Variants in ETV6 observed in about 807,000 individuals in gnomAD.
ETV6 encodes ETS variant transcription factor 6.
ETV6 carries 16 observed loss-of-function variants against 51.1 expected under a neutral mutation model. The ratio of observed to expected loss-of-function variants is 0.31; its 90% CI spans 0.21 to 0.48. The LOEUF (loss-of-function observed/expected upper bound fraction) is 0.48. Among genes scored for constraint, ETV6 ranks in the 20% least tolerant of loss-of-function variants. The pLI, the probability that ETV6 is intolerant of heterozygous loss-of-function variation, is 0.99. For missense variants in ETV6, 458 were observed against 594.8 expected (o/e 0.77, Z 2.39); for synonymous variants, 240 against 224.1 (o/e 1.07, Z -0.64).
intron 1 of ETV6, among the ~76,000 whole-genome samples, chr12:11,706,753 T>C (rs1865079959): frequency 6.6e-6 from 1 of 152,250 alleles, no homozygotes; most frequent in Admixed American, 6.5e-5. Context: ...TCTAGGACGA[T>C]TGCATTCCTA....
intron 2 of ETV6, among the ~76,000 whole-genome samples, chr12:11,768,284 A>G (rs974152999): frequency 6.6e-6 from 1 of 152,210 alleles, no homozygotes; most frequent in Non-Finnish European, 1.5e-5. Flanking sequence ...GAAAACTTAG[A>G]TACCATGTGG....
In ETV6 at chr12:11,891,340, G is replaced by A. The variant is rs114995773; in HGVS notation, c.*294G>A. ...AATTCCTCACCCTCACCCTTCCACC[G>A]TTGTTAGTATCATGGTGTTTTTGTT... is the stretch of plus-strand genomic sequence containing the variant. On this transcript the variant is annotated 3_prime_UTR_variant, in exon 8 of 8. Coordinates refer to ENST00000396373, the MANE Select transcript of ETV6 (RefSeq NM_001987.5). 648 of 379,728 alleles carry A rather than the reference G, an allele frequency of 1.7e-3. 2 individuals carry two copies. The highest frequency in any genetic ancestry group is 0.012 in the African/African-American group (571 of 48,600). The allele number at this position is 379,728 out of a possible 1,614,324, so 23.5% of individuals were successfully genotyped here.
intron 3 of ETV6, chr12:11,840,721 A>G (rs1046387723): frequency 6.1e-6 from 2 of 325,300 alleles, no homozygotes; most frequent in African/African-American, 4.3e-5. Flanking sequence ...TGTTATTGAA[A>G]CTTGAAAGTT....
chr12:11,697,681 G>A (rs984676979), intron 1 of ETV6, among the ~76,000 whole-genome samples: 3 of 152,214 alleles, frequency 2.0e-5, no homozygotes, highest in Admixed American at 6.5e-5. Context: ...AAGAGCAATG[G>A]AAAAGTGTCT....
intron 2 of ETV6, among the ~76,000 whole-genome samples, chr12:11,781,751 T>C (rs1565523815): frequency 6.6e-6 from 1 of 152,262 alleles, no homozygotes; most frequent in Non-Finnish European, 1.5e-5. Context: ...TATTACGTTT[T>C]ATTTAAGTTG....
chr12:11,855,721 G>T (rs535627672), intron 4 of ETV6, among the ~76,000 whole-genome samples: 1 of 152,158 alleles, frequency 6.6e-6, no homozygotes, highest in Non-Finnish European at 1.5e-5. Context: ...GATGGAGAAC[G>T]AACAGCATTT....
Position 11,800,893 on chromosome 12 carries a change from A to T in ETV6, c.164-38247A>T, listed in dbSNP as rs534786955. 4.6e-5 allele frequency among the ~76,000 whole-genome samples: 7 copies of T among 151,946 alleles called. No homozygotes were observed. The South Asian group carries it at 1.5e-3, about 32-fold the overall frequency. ...AGACCAGTCTCACAGTCTCAGCAAC[A>T]TAGCCAGACCCTGTCTCATATTTTT... On this transcript the variant is annotated intron_variant, in intron 2 of 7. Transcript: ENST00000396373.
chr12:11,740,881 C>T (rs1387951786), intron 1 of ETV6, among the ~76,000 whole-genome samples: 1 of 152,188 alleles, frequency 6.6e-6, no homozygotes, highest in African/African-American at 2.4e-5. Flanking sequence ...CTGCTAGCCC[C>T]ATCCAGAGCA....
At chr12:11,670,673 G>A (rs1864296619) in intron 1 of ETV6, among the ~76,000 whole-genome samples, 3 of 152,156 alleles carry the variant, frequency 2.0e-5, no homozygotes, top group Admixed American at 2.0e-4. Context: ...GTATAACTGG[G>A]GAGAAGATTT....
chr12:11,666,775 G>A (rs11054409), intron 1 of ETV6, among the ~76,000 whole-genome samples: 4,720 of 152,276 alleles, frequency 0.031, 252 homozygotes, highest in African/African-American at 0.11. Context: ...CCCCGAAACC[G>A]TCACAAGTTT....
chr12:11,775,631 A>T lies in ETV6; in HGVS notation c.163+23052A>T, dbSNP rs534352691. 5.3e-5 allele frequency among the ~76,000 whole-genome samples: 8 copies of T among 152,290 alleles called. No homozygotes were observed. In the South Asian group the frequency reaches 1.7e-3, roughly 32 times the overall value. On this transcript the variant is annotated intron_variant, in intron 2 of 7. Coordinates refer to ENST00000396373, the MANE Select transcript of ETV6 (RefSeq NM_001987.5). ...GGGGAGACTCCACCTACCCCACCAG[A>T]TGTGTGCAGAAGGCGCCATCACTGC...
At chr12:11,742,846 G>A (rs762922682) in intron 1 of ETV6, among the ~76,000 whole-genome samples, 24 of 123,828 alleles carry the variant, frequency 1.9e-4, no homozygotes, top group African/African-American at 3.4e-4. Context: ...TTGCTCTGTC[G>A]CCCTGGCTGG....
chr12:11,758,494 T>C (rs944596488), intron 2 of ETV6, among the ~76,000 whole-genome samples: 2 of 152,186 alleles, frequency 1.3e-5, no homozygotes, highest in African/African-American at 4.8e-5. Flanking sequence ...TAAGTCACAA[T>C]GGAAATAAGC....
chr12:11,728,594 C>A (rs1389817032), intron 1 of ETV6, among the ~76,000 whole-genome samples: 3 of 152,066 alleles, frequency 2.0e-5, no homozygotes, highest in Non-Finnish European at 4.4e-5. Flanking sequence ...TCCACCAAAC[C>A]AGTCCCTGGT....
intron 5 of ETV6, among the ~76,000 whole-genome samples, chr12:11,871,249 C>T (rs1201813351): frequency 2.7e-5 from 4 of 147,564 alleles, no homozygotes; most frequent in Middle Eastern, 3.5e-3. Context: ...AGTGCAGTGA[C>T]GGAATCTCGG....
At chr12:11,703,138 G>T (rs1025611295) in intron 1 of ETV6, among the ~76,000 whole-genome samples, 1 of 151,962 alleles carries the variant, frequency 6.6e-6, no homozygotes, top group African/African-American at 2.4e-5. Context: ...TTTATAGGAG[G>T]GTCCCAAACA....
intron 1 of ETV6, among the ~76,000 whole-genome samples, chr12:11,730,122 A>G (rs1382159998): frequency 6.6e-6 from 1 of 152,204 alleles, no homozygotes; most frequent in African/African-American, 2.4e-5. Context: ...CAGTAATGAT[A>G]GAAACACAGT....
intron 2 of ETV6, among the ~76,000 whole-genome samples, chr12:11,771,099 G>A (rs1223212257): frequency 6.6e-6 from 1 of 152,208 alleles, no homozygotes; most frequent in Non-Finnish European, 1.5e-5. Flanking sequence ...AAACATAGCA[G>A]GACTTTGTAG....
At chr12:11,837,572 T>C (rs1053789584) in intron 2 of ETV6, among the ~76,000 whole-genome samples, 2 of 152,178 alleles carry the variant, frequency 1.3e-5, no homozygotes, top group African/African-American at 2.4e-5. Context: ...AGCAGCCCCA[T>C]ATAGCAAACC....
Sources: gnomAD v4.1 joint callset for allele counts (sites outside exome capture counted in the v4.1 genomes callset) on GRCh38, gnomAD v4.1.1 for gene constraint, MANE v1.5 for transcripts, NCBI Gene and HGNC (gene_info 2026-07-23, HGNC 2026-07-21) for gene names.